GMDS: variants seen among roughly 807,000 people sequenced by gnomAD.
GMDS encodes GDP-mannose 4,6 dehydratase.
In GMDS, 20 loss-of-function variants were observed where a neutral mutation model predicts 49.9. The observed-to-expected ratio is 0.40, with a 90% CI of 0.28 to 0.58. GMDS has a LOEUF of 0.58. GMDS is among the 20% of genes least tolerant of loss of function. GMDS has a pLI of 0.42. For missense variants in GMDS, 362 were observed against 481.4 expected (o/e 0.75, Z 2.32); for synonymous variants, 177 against 178.6 (o/e 0.99, Z 0.07).
chr6:1,754,281 C>T (rs1217240517), intron 7 of GMDS, among the ~76,000 whole-genome samples: 1 of 152,178 alleles, frequency 6.6e-6, no homozygotes, highest in Non-Finnish European at 1.5e-5. Flanking sequence ...ACTAGAAATT[C>T]TAGAAGAAAT....
rs76585534 is a variant in GMDS, at chr6:1,814,313, C to T, written c.772-71727G>A. On this transcript the variant is annotated intron_variant, in intron 7 of 10. Transcript: ENST00000380815. ...CACACTCAAAGGACCACGGCTAGAACAGCTTTTTGTTTTCTTTCTTTTCTA... is the reference window on the plus strand; with the variant it reads ...CACACTCAAAGGACCACGGCTAGAATAGCTTTTTGTTTTCTTTCTTTTCTA... 5.3e-3 allele frequency among the ~76,000 whole-genome samples: 805 copies of T among 152,284 alleles called. 9 individuals carry two copies. Among genetic ancestry groups the T allele is most frequent in the African/African-American group, 0.018 (762 of 41,546 alleles).
chr6:1,927,734 A>G (rs192847911), intron 7 of GMDS, among the ~76,000 whole-genome samples: 11 of 152,304 alleles, frequency 7.2e-5, no homozygotes, highest in African/African-American at 2.6e-4. Context: ...TCCTTCTTTC[A>G]GATCTACTCG....
At chr6:1,930,019 G>T in intron 7 of GMDS, 84 bp downstream of exon 7, 1 of 1,257,508 alleles carries the variant, frequency 8.0e-7, no homozygotes, top group Non-Finnish European at 1.1e-6. Flanking sequence ...CCCACCTCTA[G>T]GTCACACTTT....
intron 7 of GMDS, among the ~76,000 whole-genome samples, chr6:1,768,500 A>AAGG (rs1324664097): frequency 6.6e-6 from 1 of 152,198 alleles, no homozygotes; most frequent in African/African-American, 2.4e-5. Context: ...TGCTTCAACC[A>AAGG]AGGAGGTACT....
At chr6:2,068,179 A>T (rs571979209) in intron 4 of GMDS, among the ~76,000 whole-genome samples, 8 of 152,146 alleles carry the variant, frequency 5.3e-5, no homozygotes, top group African/African-American at 1.4e-4. Flanking sequence ...TGATTATCTC[A>T]ATAGATGCAG....
At chr6:1,985,409 T>C (rs757248767) in intron 4 of GMDS, among the ~76,000 whole-genome samples, 1 of 152,018 alleles carries the variant, frequency 6.6e-6, no homozygotes, top group Non-Finnish European at 1.5e-5. Flanking sequence ...AGAACATTAA[T>C]GTCAAGAAAG....
At chr6:1,924,014 G>A (rs1005914611) in intron 7 of GMDS, among the ~76,000 whole-genome samples, 1 of 152,114 alleles carries the variant, frequency 6.6e-6, no homozygotes, top group South Asian at 2.1e-4. Flanking sequence ...GGGATAGAGG[G>A]GGCTGGAGAC....
intron 2 of GMDS, among the ~76,000 whole-genome samples, chr6:2,124,441 T>C (rs1775307784): frequency 6.6e-6 from 1 of 152,190 alleles, no homozygotes. Context: ...TATCGGAGAA[T>C]GTGGGAAGTG....
chr6:2,022,007 G>A (rs1050237865), intron 4 of GMDS, among the ~76,000 whole-genome samples: 2 of 152,154 alleles, frequency 1.3e-5, no homozygotes, highest in African/African-American at 4.8e-5. Flanking sequence ...GCCAAAGGAT[G>A]AGAAAAGCTG....
intron 1 of GMDS, among the ~76,000 whole-genome samples, chr6:2,146,413 G>A (rs757061898): frequency 2.6e-5 from 4 of 152,164 alleles, no homozygotes; most frequent in Non-Finnish European, 4.4e-5. Flanking sequence ...CGAGTTAACT[G>A]AAGAATGGTA....
At chr6:1,846,624 C>T (rs569584382) in intron 7 of GMDS, among the ~76,000 whole-genome samples, 11 of 152,230 alleles carry the variant, frequency 7.2e-5, no homozygotes, top group African/African-American at 2.6e-4. Context: ...ACATTCTTTC[C>T]AATCCTAGAT....
Position 1,762,967 on chromosome 6 carries a change from T to C in GMDS, c.772-20381A>G, listed in dbSNP as rs1374232149. Among the ~76,000 whole-genome samples, 6 of 152,344 alleles carry C rather than the reference T, an allele frequency of 3.9e-5. No individual in the cohort carries two copies. The East Asian group carries it at 1.2e-3, about 29-fold the overall frequency. ...AAATCAAAACCATGTTTTAGAAAGC[T>C]GGTAGTTTTAAAGTGCTAGTGTATG... is the stretch of plus-strand genomic sequence containing the variant. On this transcript the variant is annotated intron_variant, in intron 7 of 10. Coordinates refer to ENST00000380815, the MANE Select transcript of GMDS (RefSeq NM_001500.4).
At chr6:2,213,701 T>C (rs1780178286) in intron 1 of GMDS, among the ~76,000 whole-genome samples, 1 of 151,956 alleles carries the variant, frequency 6.6e-6, no homozygotes, top group Admixed American at 6.6e-5. Flanking sequence ...TCAGCGAGCA[T>C]TAGAGGACAC....
intron 7 of GMDS, among the ~76,000 whole-genome samples, chr6:1,800,443 T>G (rs1448996673): frequency 6.6e-6 from 1 of 152,084 alleles, no homozygotes; most frequent in Non-Finnish European, 1.5e-5. Flanking sequence ...ATTTCTTTTC[T>G]TTTCTTTTTT....
intron 7 of GMDS, among the ~76,000 whole-genome samples, chr6:1,895,089 C>G (rs1760084119): frequency 6.6e-6 from 1 of 152,096 alleles, no homozygotes; most frequent in Admixed American, 6.6e-5. Flanking sequence ...TTTAAGAGTC[C>G]TTATAAGGCA....
At chr6:1,834,006 T>A (rs954890347) in intron 7 of GMDS, among the ~76,000 whole-genome samples, 2 of 152,154 alleles carry the variant, frequency 1.3e-5, no homozygotes, top group Non-Finnish European at 2.9e-5. Flanking sequence ...AATCACAAAG[T>A]CAGAGCTTAG....
intron 6 of GMDS, among the ~76,000 whole-genome samples, chr6:1,953,795 T>C (rs576323349): frequency 1.2e-4 from 18 of 152,298 alleles, no homozygotes; most frequent in African/African-American, 4.1e-4. Flanking sequence ...GAAAAGAAAC[T>C]AATATACTTA....
chr6:1,928,059 A>G (rs1762110232), intron 7 of GMDS, among the ~76,000 whole-genome samples: 2 of 152,180 alleles, frequency 1.3e-5, no homozygotes. Context: ...CTTGGAGAAG[A>G]GTTTGGATAA....
At chr6:1,898,741 G>A (rs979882511) in intron 7 of GMDS, among the ~76,000 whole-genome samples, 9 of 152,184 alleles carry the variant, frequency 5.9e-5, no homozygotes, top group East Asian at 1.9e-4. Context: ...AACTTCCTGC[G>A]GGGAGATGAC....
Sources: allele counts gnomAD v4.1 joint callset (sites outside exome capture counted in the v4.1 genomes callset), GRCh38; gene constraint gnomAD v4.1.1; transcripts MANE v1.5; gene names NCBI Gene and HGNC (gene_info 2026-07-23, HGNC 2026-07-21).